The following CTNNA2 variants were observed in gnomAD, a reference collection of about 807,000 sequenced individuals.
CTNNA2 encodes the protein catenin alpha-2.
CTNNA2 carries 42 observed loss-of-function variants against 101.0 expected under a neutral mutation model. The ratio of observed to expected loss-of-function variants is 0.42; its 90% CI spans 0.32 to 0.54. The LOEUF (loss-of-function observed/expected upper bound fraction) is 0.54. Among genes scored for constraint, CTNNA2 ranks in the 20% least tolerant of loss-of-function variants. The pLI is 0.14. For synonymous variants in CTNNA2, 450 were observed against 456.4 expected, an observed-to-expected ratio of 0.99 and a Z score of 0.18; for missense variants, 871 against 1,223.1, an observed-to-expected ratio of 0.71 and a Z score of 4.29.
intron 7 of CTNNA2, among the ~76,000 whole-genome samples, chr2:80,337,865 C>T (rs1253101748): frequency 2.6e-5 from 4 of 152,186 alleles, no homozygotes; most frequent in Non-Finnish European, 4.4e-5. Flanking sequence ...TTGACCCCAC[C>T]ATGGGAAGTG....
chr2:80,011,542 A>G (rs1469649357), intron 7 of CTNNA2, among the ~76,000 whole-genome samples: 1 of 152,124 alleles, frequency 6.6e-6, no homozygotes, highest in African/African-American at 2.4e-5. Flanking sequence ...AAGAACATCA[A>G]CATTCTAGCG....
At chr2:79,855,275 C>T (rs1479636561) in intron 3 of CTNNA2, among the ~76,000 whole-genome samples, 1 of 152,118 alleles carries the variant, frequency 6.6e-6, no homozygotes, top group African/African-American at 2.4e-5. Context: ...TGCTGAGCCA[C>T]TCTTGGGGTG....
At chr2:79,569,028 C>T (rs535545550) in intron 1 of CTNNA2, among the ~76,000 whole-genome samples, 4 of 151,964 alleles carry the variant, frequency 2.6e-5, no homozygotes, top group South Asian at 4.2e-4. Flanking sequence ...AGCAAGACCC[C>T]GTCTCAAAAA....
chr2:79,266,890 C>T (rs1299320597), intron 2 of CTNNA2, among the ~76,000 whole-genome samples: 1 of 152,008 alleles, frequency 6.6e-6, no homozygotes. Context: ...GGCTTCATTG[C>T]AGGCAGCATT....
chr2:80,247,479 G>C (rs997373081), intron 7 of CTNNA2, among the ~76,000 whole-genome samples: 21 of 152,146 alleles, frequency 1.4e-4, no homozygotes, highest in African/African-American at 5.1e-4. Flanking sequence ...ACTTGGAACT[G>C]ACTGCTGACC....
At chr2:79,942,658 A>G (rs998577032) in intron 7 of CTNNA2, among the ~76,000 whole-genome samples, 3 of 152,100 alleles carry the variant, frequency 2.0e-5, no homozygotes, top group African/African-American at 7.2e-5. Flanking sequence ...AGGACAACTT[A>G]CCCAAGAGGC....
intron 7 of CTNNA2, among the ~76,000 whole-genome samples, chr2:79,973,952 GTTTGTTTTGT>G: frequency 6.6e-6 from 1 of 151,478 alleles, no homozygotes; most frequent in East Asian, 2.0e-4. Context: ...TTGTTTGTTT[GTTTGTTTTGT>G]TTTGTTTTTG....
At chr2:79,332,174 T>A (rs1676888160) in intron 3 of CTNNA2, among the ~76,000 whole-genome samples, 1 of 151,968 alleles carries the variant, frequency 6.6e-6, no homozygotes, top group African/African-American at 2.4e-5. Context: ...CCCAAAGGCT[T>A]GTGAATAAAA....
chr2:79,660,534 T>A (rs1681963069), intron 2 of CTNNA2, among the ~76,000 whole-genome samples: 1 of 152,128 alleles, frequency 6.6e-6, no homozygotes, highest in Non-Finnish European at 1.5e-5. Flanking sequence ...TATAAACATT[T>A]CTTAAGTTGC....
At chr2:80,104,371 GGA>G (rs1700745737) in intron 7 of CTNNA2, among the ~76,000 whole-genome samples, 1 of 152,192 alleles carries the variant, frequency 6.6e-6, no homozygotes, top group Non-Finnish European at 1.5e-5. Context: ...GGATGAGAGA[GGA>G]GAGAGAACAA....
At chr2:80,275,248 C>G (rs560453585) in intron 7 of CTNNA2, among the ~76,000 whole-genome samples, 2 of 152,254 alleles carry the variant, frequency 1.3e-5, no homozygotes, top group East Asian at 3.9e-4. Context: ...GTTGATCATA[C>G]CAAAAGGCAA....
rs146972466 is a variant in CTNNA2, at chr2:79,543,671, A to T, written c.-6+30464A>T. Among the ~76,000 whole-genome samples the T allele has an allele frequency of 8.0e-3, 1,214 of 152,272 alleles. 13 individuals carry two copies. The highest frequency in any genetic ancestry group is 0.028 in the African/African-American group (1,151 of 41,550). ...CAGATCATTTAATAGATGATTATAT[A>T]TGAAAATATGATTTATAATGAAAAT... On this transcript the variant is annotated intron_variant, in intron 1 of 18. Coordinates refer to ENST00000402739, the MANE Select transcript of CTNNA2 (RefSeq NM_001282597.3).
chr2:80,489,586 ACTT>A (rs1686875516), intron 9 of CTNNA2, among the ~76,000 whole-genome samples: 1 of 152,166 alleles, frequency 6.6e-6, no homozygotes, highest in Non-Finnish European at 1.5e-5. Context: ...TGAAATTAAT[ACTT>A]CACTTCTTGT....
At chr2:79,967,116 A>ATGTGTG (rs537359067) in intron 7 of CTNNA2, among the ~76,000 whole-genome samples, 1 of 39,560 alleles carries the variant, frequency 2.5e-5, no homozygotes, top group Admixed American at 2.8e-4. Context: ...ACGCGCACGC[A>ATGTGTG]CGTGTGTGTG....
chr2:80,176,814 T>G (rs1240181097), intron 7 of CTNNA2, among the ~76,000 whole-genome samples: 2 of 152,204 alleles, frequency 1.3e-5, no homozygotes, highest in African/African-American at 2.4e-5. Flanking sequence ...CTTCCTTTGT[T>G]GCCTGTTGAC....
At chr2:79,680,635 T>G (rs1683500678) in intron 2 of CTNNA2, among the ~76,000 whole-genome samples, 1 of 152,202 alleles carries the variant, frequency 6.6e-6, no homozygotes, top group Non-Finnish European at 1.5e-5. Context: ...TGGAGGCCAT[T>G]GTTTCAGAAT....
intron 7 of CTNNA2, among the ~76,000 whole-genome samples, chr2:79,929,660 A>T (rs12468823): frequency 0.11 from 16,968 of 152,190 alleles, 1,239 homozygotes; most frequent in East Asian, 0.26. Flanking sequence ...TGGTTGTAGG[A>T]TGGCCCCATC....
At chr2:80,000,268 TAGAG>T (rs1692851484) in intron 7 of CTNNA2, among the ~76,000 whole-genome samples, 1 of 152,140 alleles carries the variant, frequency 6.6e-6, no homozygotes, top group Non-Finnish European at 1.5e-5. Context: ...ATCACATAAT[TAGAG>T]AGACACGACT....
intron 7 of CTNNA2, among the ~76,000 whole-genome samples, chr2:80,003,678 G>T (rs536962671): frequency 7.2e-5 from 11 of 152,156 alleles, no homozygotes; most frequent in South Asian, 2.1e-4. Flanking sequence ...AGTAAAAGGA[G>T]CACTGAATTT....
Sources: gnomAD v4.1 joint callset for allele counts (sites outside exome capture counted in the v4.1 genomes callset) on GRCh38, gnomAD v4.1.1 for gene constraint, MANE v1.5 for transcripts, NCBI Gene and HGNC (gene_info 2026-07-23, HGNC 2026-07-21) for gene names.